Variants in GALNT12 observed in about 807,000 individuals in gnomAD.
The protein encoded by GALNT12 is polypeptide N-acetylgalactosaminyltransferase 12.
A neutral mutation model predicts 55.5 loss-of-function variants in GALNT12; 45 were observed. The observed-to-expected ratio is 0.81, with a 90% CI of 0.64 to 1.04. The LOEUF is 1.04. Ranked by LOEUF, GALNT12 falls within the 50% of genes least tolerant of loss-of-function variation. GALNT12 has a pLI of 0.00. For missense variants in GALNT12, 709 were observed against 754.8 expected, an observed-to-expected ratio of 0.94 and a Z score of 0.71; for synonymous variants, 304 against 312.2, an observed-to-expected ratio of 0.97 and a Z score of 0.28.
At chr9:98,840,250 AC>A in intron 7 of GALNT12, 117 bp downstream of exon 7, 1 of 1,222,448 alleles carries the variant, frequency 8.2e-7, no homozygotes, top group Non-Finnish European at 1.2e-6. Context: ...CTCCACTCCC[AC>A]CCGCCTGCCC....
chr9:98,818,246 G>A (rs946079386), intron 1 of GALNT12, among the ~76,000 whole-genome samples: 8 of 149,768 alleles, frequency 5.3e-5, no homozygotes, highest in Non-Finnish European at 8.9e-5. Flanking sequence ...TTTTTTAGAC[G>A]AAGTCTCGCT....
At chr9:98,835,132 G>C in intron 4 of GALNT12, 117 bp from the exon 5 acceptor site, 1 of 808,518 alleles carries the variant, frequency 1.2e-6, no homozygotes, top group Non-Finnish European at 2.2e-6. Context: ...GGTGAAGGCG[G>C]GATATGCTTA....
intron 6 of GALNT12, among the ~76,000 whole-genome samples, chr9:98,839,394 G>A (rs1045889590): frequency 1.3e-5 from 2 of 152,140 alleles, no homozygotes; most frequent in African/African-American, 4.8e-5. Context: ...TTTTCTTGTG[G>A]CTGCACATTT....
At chr9:98,827,359 C>A (rs1313103111) in intron 3 of GALNT12, among the ~76,000 whole-genome samples, 1 of 151,998 alleles carries the variant, frequency 6.6e-6, no homozygotes, top group Non-Finnish European at 1.5e-5. Context: ...CACCACCACA[C>A]CTGGCTAATT....
chr9:98,808,802 C>G (rs1835433181), intron 1 of GALNT12, among the ~76,000 whole-genome samples: 1 of 152,228 alleles, frequency 6.6e-6, no homozygotes, highest in Non-Finnish European at 1.5e-5. Context: ...ACGCTGGCAG[C>G]AGGAGGAAGG....
chr9:98,810,434 T>C (rs994012794), intron 1 of GALNT12, among the ~76,000 whole-genome samples: 3 of 152,048 alleles, frequency 2.0e-5, no homozygotes, highest in Admixed American at 1.3e-4. Context: ...ATGAAAGCAA[T>C]GCATATTCAC....
At chr9:98,816,651 CTTT>C (rs374259532) in intron 1 of GALNT12, among the ~76,000 whole-genome samples, 2 of 138,594 alleles carry the variant, frequency 1.4e-5, no homozygotes, top group Non-Finnish European at 1.6e-5. Flanking sequence ...AAGCAATTAA[CTTT>C]TTTTTTTTTT....
In GALNT12 at chr9:98,849,391, G is replaced by T. The variant is rs553261474; in HGVS notation, c.*299G>T. ...CCTTATAATATTTTTCTATCAAGATGTATATTTTACAGTCGTGCCTTTTAC... is the reference window on the plus strand; with the variant it reads ...CCTTATAATATTTTTCTATCAAGATTTATATTTTACAGTCGTGCCTTTTAC... On this transcript the variant is annotated 3_prime_UTR_variant, in exon 10 of 10. Coordinates refer to ENST00000375011, the MANE Select transcript of GALNT12 (RefSeq NM_024642.5). 148 of 568,116 alleles carry T rather than the reference G, an allele frequency of 2.6e-4. No homozygotes were observed. The highest frequency in any genetic ancestry group is 2.4e-3 in the African/African-American group (129 of 53,586). The allele number at this position is 568,116 out of a possible 1,614,324, so 35.2% of individuals were successfully genotyped here.
intron 4 of GALNT12, among the ~76,000 whole-genome samples, chr9:98,833,151 T>G (rs2118424918): frequency 6.6e-6 from 1 of 152,030 alleles, no homozygotes; most frequent in Admixed American, 6.6e-5. Flanking sequence ...TTCTGGAGGT[T>G]TTGAAGTGAT....
intron 8 of GALNT12, chr9:98,844,643 A>C: frequency 8.5e-6 from 2 of 236,448 alleles, no homozygotes; most frequent in South Asian, 1.1e-4. Flanking sequence ...GGAAGGATAA[A>C]GTAACAGATC....
intron 6 of GALNT12, among the ~76,000 whole-genome samples, chr9:98,839,732 G>A (rs544007491): frequency 3.9e-5 from 6 of 152,242 alleles, no homozygotes; most frequent in Admixed American, 1.3e-4. Context: ...ATCAGCAGGC[G>A]GGTTGTCCTC....
chr9:98,841,078 C>T (rs1002325928), intron 7 of GALNT12, among the ~76,000 whole-genome samples: 2 of 152,218 alleles, frequency 1.3e-5, no homozygotes, highest in Admixed American at 6.5e-5. Flanking sequence ...AAGGTGCACA[C>T]ATTGCATGTG....
At chr9:98,836,806 C>T (rs1836158575) in intron 5 of GALNT12, among the ~76,000 whole-genome samples, 166 bp from the exon 6 acceptor site, 1 of 152,186 alleles carries the variant, frequency 6.6e-6, no homozygotes, top group South Asian at 2.1e-4. Context: ...TACCCACATT[C>T]TGTGTCATGA....
chr9:98,844,741 G>A (rs1359848056), intron 8 of GALNT12, among the ~76,000 whole-genome samples: 1 of 152,132 alleles, frequency 6.6e-6, no homozygotes, highest in African/African-American at 2.4e-5. Flanking sequence ...GGTGTTTAGG[G>A]ACATTGCCTC....
At chr9:98,841,178 A>G (rs539665247) in intron 7 of GALNT12, among the ~76,000 whole-genome samples, 17 of 152,234 alleles carry the variant, frequency 1.1e-4, no homozygotes, top group African/African-American at 3.1e-4. Flanking sequence ...TGAAAAAACA[A>G]TATGTTACCT....
chr9:98,829,200 T>C (rs1161885337), intron 3 of GALNT12, among the ~76,000 whole-genome samples: 1 of 149,272 alleles, frequency 6.7e-6, no homozygotes, highest in Non-Finnish European at 1.5e-5. Context: ...TATCTATCTA[T>C]CTATCTGAGA....
chr9:98,832,810 T>C lies in GALNT12; in HGVS notation c.917+853T>C, dbSNP rs556591120. Among the ~76,000 whole-genome samples, 7 of 152,348 alleles carry C rather than the reference T, an allele frequency of 4.6e-5. No individual in the cohort carries two copies. In the South Asian group the frequency reaches 1.4e-3, roughly 32 times the overall value. Reference sequence around the variant, plus strand: ...TCCTAGAGAACATCATTCCTTGTGATGGCTGAGTAATATTCCTTTGTACAT... The same window carrying C: ...TCCTAGAGAACATCATTCCTTGTGACGGCTGAGTAATATTCCTTTGTACAT... On this transcript the variant is annotated intron_variant, in intron 4 of 9. Coordinates refer to ENST00000375011, the MANE Select transcript of GALNT12 (RefSeq NM_024642.5).
chr9:98,815,186 C>T (rs560012200), intron 1 of GALNT12, among the ~76,000 whole-genome samples: 2 of 152,284 alleles, frequency 1.3e-5, no homozygotes, highest in South Asian at 2.1e-4. Context: ...GATATACAGA[C>T]GATCTCCGAT....
At chr9:98,821,422 C>A (rs946717646) in intron 1 of GALNT12, among the ~76,000 whole-genome samples, 6 of 151,786 alleles carry the variant, frequency 4.0e-5, no homozygotes, top group African/African-American at 1.5e-4. Context: ...GAGATTGAGA[C>A]CATCCTGGCT....
Sources: gnomAD v4.1 joint callset for allele counts (sites outside exome capture counted in the v4.1 genomes callset) on GRCh38, gnomAD v4.1.1 for gene constraint, MANE v1.5 for transcripts, NCBI Gene and HGNC (gene_info 2026-07-23, HGNC 2026-07-21) for gene names.